Variants in ELP3 observed in about 807,000 individuals in gnomAD.
ELP3 encodes the protein elongator acetyltransferase complex subunit 3.
A neutral mutation model predicts 74.9 loss-of-function variants in ELP3; 56 were observed. The observed-to-expected ratio is 0.75, with a 90% CI of 0.60 to 0.93. The LOEUF (loss-of-function observed/expected upper bound fraction) is 0.93. Among genes scored for constraint, ELP3 ranks in the 40% least tolerant of loss-of-function variants. ELP3 has a pLI of 0.00. For missense variants in ELP3, 573 were observed against 686.5 expected (o/e 0.83, Z 1.85); for synonymous variants, 222 against 239.8 (o/e 0.93, Z 0.68).
chr8:28,106,697 C>A lies in ELP3; in HGVS notation c.259-16C>A. 1 of 1,606,388 alleles carries A rather than the reference C, an allele frequency of 6.2e-7. No homozygotes were observed. Among genetic ancestry groups the A allele is most frequent in the Non-Finnish European group, 8.5e-7 (1 of 1,174,658 alleles). ...ATTATCCTATAATAGCTTTTTTATT[C>A]ATCTTTCTTTTATAGATTGCTGTCG... is the stretch of plus-strand genomic sequence containing the variant. On this transcript the variant is annotated splice_polypyrimidine_tract_variant and intron_variant, in intron 3 of 14. Transcript: ENST00000256398.
chr8:28,145,820 C>T (rs982163554), intron 10 of ELP3, among the ~76,000 whole-genome samples: 4 of 152,108 alleles, frequency 2.6e-5, no homozygotes, highest in African/African-American at 9.7e-5. Context: ...GACGGGGTTT[C>T]GCCATGTCGG....
At chr8:28,108,676 C>G (rs928603589) in intron 5 of ELP3, among the ~76,000 whole-genome samples, 2 of 152,004 alleles carry the variant, frequency 1.3e-5, no homozygotes, top group Non-Finnish European at 2.9e-5. Flanking sequence ...AGCCTGGTCT[C>G]GAACTGCTGA....
chr8:28,153,846 G>A (rs919539143), intron 10 of ELP3, among the ~76,000 whole-genome samples: 3 of 152,052 alleles, frequency 2.0e-5, no homozygotes, highest in African/African-American at 7.2e-5. Context: ...TGGTGCATTG[G>A]GTAATTAACT....
At chr8:28,163,272 C>G (rs1230086483) in intron 14 of ELP3, among the ~76,000 whole-genome samples, 1 of 152,178 alleles carries the variant, frequency 6.6e-6, no homozygotes, top group Non-Finnish European at 1.5e-5. Context: ...TATTTTTCAT[C>G]CAGCATGTTT....
intron 7 of ELP3, among the ~76,000 whole-genome samples, chr8:28,117,641 AC>A (rs1289520278): frequency 6.6e-6 from 1 of 152,292 alleles, no homozygotes; most frequent in East Asian, 1.9e-4. Context: ...GAGCCATAAA[AC>A]CATCCATAAA....
chr8:28,161,626 A>G (rs2130553930), intron 13 of ELP3, among the ~76,000 whole-genome samples: 1 of 151,730 alleles, frequency 6.6e-6, no homozygotes, highest in African/African-American at 2.4e-5. Flanking sequence ...AAAAAAAAAA[A>G]AAAGTAGAGA....
intron 14 of ELP3, chr8:28,183,125 T>C: frequency 4.4e-6 from 2 of 456,138 alleles, no homozygotes; most frequent in Non-Finnish European, 4.4e-6. Context: ...GCAGTGGAAG[T>C]CATTTTAATA....
At chr8:28,144,274 A>G (rs532719421) in intron 10 of ELP3, among the ~76,000 whole-genome samples, 117 of 152,206 alleles carry the variant, frequency 7.7e-4, no homozygotes, top group Non-Finnish European at 1.5e-3. Context: ...TAACAATCTG[A>G]TAGCTGTTTT....
At chr8:28,149,074 C>A (rs1305839109) in intron 10 of ELP3, among the ~76,000 whole-genome samples, 1 of 152,168 alleles carries the variant, frequency 6.6e-6, no homozygotes, top group South Asian at 2.1e-4. Context: ...TGGGCCCTCA[C>A]CAGGCACTGA....
chr8:28,181,919 TC>T (rs1815025480), intron 14 of ELP3, among the ~76,000 whole-genome samples: 1 of 152,162 alleles, frequency 6.6e-6, no homozygotes, highest in African/African-American at 2.4e-5. Context: ...TATTTAAATC[TC>T]CCTCTAACTT....
At chr8:28,090,903 C>CTTTTTTTTTTTTTTTT (rs1563239681), upstream of ELP3, among the ~76,000 whole-genome samples, 1 of 53,146 alleles carries the variant, frequency 1.9e-5, no homozygotes. Context: ...GTAAATGTTT[C>CTTTTTTTTTTTTTTTT]CTTTTTTTTT....
intron 14 of ELP3, among the ~76,000 whole-genome samples, chr8:28,175,274 A>G (rs941514006): frequency 7.9e-5 from 12 of 152,046 alleles, no homozygotes; most frequent in African/African-American, 2.9e-4. Context: ...CAATGCATAT[A>G]TTGGTATGCT....
chr8:28,093,481 A>C, intron 1 of ELP3: 1 of 583,900 alleles, frequency 1.7e-6, no homozygotes, highest in African/African-American at 1.9e-5. Flanking sequence ...AATGGCAGGG[A>C]AACCATTATT....
intron 7 of ELP3, among the ~76,000 whole-genome samples, chr8:28,127,257 A>C (rs1306740354): frequency 1.3e-5 from 2 of 151,972 alleles, no homozygotes; most frequent in African/African-American, 4.8e-5. Context: ...CTAGCTAATA[A>C]ATTTTCTCTT....
intron 14 of ELP3, among the ~76,000 whole-genome samples, chr8:28,186,156 C>T (rs4266606): frequency 0.87 from 132,303 of 152,082 alleles, 57,659 homozygotes; most frequent in East Asian, 0.96. Context: ...GAAAGTAGAA[C>T]GGGGGTTGTC....
intron 7 of ELP3, among the ~76,000 whole-genome samples, chr8:28,120,082 C>A (rs972793887): frequency 6.6e-6 from 1 of 152,082 alleles, no homozygotes; most frequent in African/African-American, 2.4e-5. Context: ...CTTTTTGTGG[C>A]TATATGTATT....
At chr8:28,140,596 T>C (rs1369420853) in intron 10 of ELP3, among the ~76,000 whole-genome samples, 1 of 152,158 alleles carries the variant, frequency 6.6e-6, no homozygotes, top group Non-Finnish European at 1.5e-5. Flanking sequence ...TTGCCCAGCA[T>C]TGTCACCAGC....
rs1563280036 is a variant in ELP3, at chr8:28,160,213, GC to G, written c.1258-15del. 6 of 1,594,082 alleles carry G rather than the reference GC, an allele frequency of 3.8e-6. No individual in the cohort carries two copies. The Admixed American group carries it at 1.1e-4, about 28-fold the overall frequency. On this transcript the variant is annotated splice_polypyrimidine_tract_variant and intron_variant, in intron 12 of 14. Coordinates refer to ENST00000256398, the MANE Select transcript of ELP3 (RefSeq NM_018091.6). ...TTAATTTTGAATAATATTTTTTGTG[GC>G]TTTTTACTAAATAGGTTGAATTGGT...
At chr8:28,121,275 A>G (rs1268860819) in intron 7 of ELP3, among the ~76,000 whole-genome samples, 4 of 151,576 alleles carry the variant, frequency 2.6e-5, no homozygotes, top group Non-Finnish European at 5.9e-5. Flanking sequence ...TTGGTGCTAC[A>G]GTAAATGAAA....
Sources: allele counts gnomAD v4.1 joint callset (sites outside exome capture counted in the v4.1 genomes callset), GRCh38; gene constraint gnomAD v4.1.1; transcripts MANE v1.5; gene names NCBI Gene and HGNC (gene_info 2026-07-23, HGNC 2026-07-21).